Variants in OSBPL9 observed in about 807,000 individuals in gnomAD.
OSBPL9 encodes the protein oxysterol-binding protein-related protein 9.
A neutral mutation model predicts 106.6 loss-of-function variants in OSBPL9; 40 were observed. The observed-to-expected ratio is 0.38, with a 90% CI of 0.29 to 0.49. OSBPL9 has a LOEUF of 0.49. OSBPL9 is among the 20% of genes least tolerant of loss of function. The pLI, the probability that OSBPL9 is intolerant of heterozygous loss-of-function variation, is 0.97. For synonymous variants in OSBPL9, 269 were observed against 295.4 expected (o/e 0.91, Z 0.92); for missense variants, 609 against 887.2 (o/e 0.69, Z 3.98).
chr1:51,666,980 C>G (rs76743633), intron 2 of OSBPL9, among the ~76,000 whole-genome samples: 1,817 of 152,232 alleles, frequency 0.012, 39 homozygotes, highest in African/African-American at 0.042. Context: ...ACGATGAAAG[C>G]CTGAATTACA....
intron 4 of OSBPL9, among the ~76,000 whole-genome samples, chr1:51,721,761 G>A (rs1247337689): frequency 3.3e-5 from 5 of 152,130 alleles, no homozygotes; most frequent in Non-Finnish European, 5.9e-5. Flanking sequence ...AAAAATAGGT[G>A]TATTCGTTCT....
intron 3 of OSBPL9, among the ~76,000 whole-genome samples, chr1:51,681,417 G>A (rs534741575): frequency 1.2e-4 from 19 of 152,056 alleles, no homozygotes; most frequent in South Asian, 6.3e-4. Flanking sequence ...TATAGGCAAC[G>A]GACCAGAGTC....
At chr1:51,618,855 ATTATTGAC>A (rs1644248359) in intron 1 of OSBPL9, among the ~76,000 whole-genome samples, 1 of 152,240 alleles carries the variant, frequency 6.6e-6, no homozygotes, top group South Asian at 2.1e-4. Flanking sequence ...AGGATGCCAA[ATTATTGAC>A]TTTTTCTACT....
intron 2 of OSBPL9, among the ~76,000 whole-genome samples, chr1:51,657,041 T>G (rs1646862978): frequency 6.6e-6 from 1 of 152,236 alleles, no homozygotes; most frequent in South Asian, 2.1e-4. Context: ...TACATGTTAA[T>G]TTTTCTGTTG....
intron 2 of OSBPL9, among the ~76,000 whole-genome samples, chr1:51,601,112 A>G (rs1353698742): frequency 6.6e-6 from 1 of 152,204 alleles, no homozygotes; most frequent in Non-Finnish European, 1.5e-5. Flanking sequence ...TGTGTTCAAA[A>G]CCATCAATTC....
chr1:51,571,784 C>T, the OSBPL9 span, among the ~76,000 whole-genome samples: 3 of 152,118 alleles, frequency 2.0e-5, no homozygotes, highest in East Asian at 1.9e-4. Flanking sequence ...CAAAGAGCAC[C>T]GAACCTGCAG....
At chr1:51,740,293 C>T in intron 4 of OSBPL9, 1 of 1,373,074 alleles carries the variant, frequency 7.3e-7, no homozygotes, top group Non-Finnish European at 9.5e-7. Context: ...TCTCAAATTG[C>T]TAATTGTGAA....
At chr1:51,588,053 T>C (rs1158524914) in intron 1 of OSBPL9, among the ~76,000 whole-genome samples, 2 of 152,232 alleles carry the variant, frequency 1.3e-5, no homozygotes, top group Non-Finnish European at 1.5e-5. Flanking sequence ...ATCTTCCTTA[T>C]AGAACTGGTG....
chr1:51,776,975 T>C, intron 15 of OSBPL9, 57 bp downstream of exon 15: 1 of 1,342,564 alleles, frequency 7.4e-7, no homozygotes, highest in Non-Finnish European at 1.1e-6. Flanking sequence ...AGCAGCTTTC[T>C]GCCTTTTATT....
At chr1:51,769,434 C>T (rs543202185) in intron 12 of OSBPL9, among the ~76,000 whole-genome samples, 164 of 152,290 alleles carry the variant, frequency 1.1e-3, no homozygotes, top group African/African-American at 3.6e-3. Context: ...CCACTACTCA[C>T]CAGCTGTATG....
chr1:51,566,066 A>G, the OSBPL9 span: 1 of 152,340 alleles, frequency 6.6e-6, no homozygotes, highest in Non-Finnish European at 1.5e-5. Flanking sequence ...TAACGCATGT[A>G]TGCTTGGGCA....
intron 21 of OSBPL9, 186 bp downstream of exon 21, chr1:51,786,072 A>C (rs1488563259): frequency 1.5e-5 from 9 of 583,538 alleles, no homozygotes; most frequent in Non-Finnish European, 2.7e-5. Context: ...TCCTTCCCCC[A>C]CCTTCTCCCA....
intron 17 of OSBPL9, among the ~76,000 whole-genome samples, chr1:51,782,974 A>G (rs1676745494): frequency 6.6e-6 from 1 of 152,208 alleles, no homozygotes. Context: ...CGTAGTTTCT[A>G]CACAGTATAT....
At chr1:51,749,536 C>T (rs1344864116) in intron 7 of OSBPL9, 1 of 415,406 alleles carries the variant, frequency 2.4e-6, no homozygotes, top group Admixed American at 2.4e-5. Flanking sequence ...AGGCTGGTCT[C>T]CTAGCCTCAA....
chr1:51,549,897 T>C, the OSBPL9 span, among the ~76,000 whole-genome samples: 1 of 152,240 alleles, frequency 6.6e-6, no homozygotes, highest in Non-Finnish European at 1.5e-5. Context: ...GTCGGTTGCC[T>C]ACTTTATGTA....
intron 6 of OSBPL9, 78 bp from the exon 7 acceptor site, chr1:51,748,291 A>G: frequency 6.8e-7 from 1 of 1,465,634 alleles, no homozygotes; most frequent in East Asian, 2.7e-5. Flanking sequence ...AAAATTCTTT[A>G]AATGACTAGC....
At chr1:51,762,942 CA>C in intron 11 of OSBPL9, among the ~76,000 whole-genome samples, 1 of 152,076 alleles carries the variant, frequency 6.6e-6, no homozygotes, top group Non-Finnish European at 1.5e-5. Context: ...ACCTTTTTGC[CA>C]GTTTTATAGT....
chr1:51,710,305 C>G (rs762016611), intron 3 of OSBPL9, among the ~76,000 whole-genome samples: 1 of 152,128 alleles, frequency 6.6e-6, no homozygotes, highest in Admixed American at 6.5e-5. Context: ...ACTAGCTCTT[C>G]TTTTGCACAG....
the OSBPL9 span, among the ~76,000 whole-genome samples, chr1:51,546,675 C>T: frequency 0.083 from 12,357 of 149,284 alleles, 589 homozygotes; most frequent in African/African-American, 0.11. Flanking sequence ...CCAGCCTGGG[C>T]GACAGAGCCA....
Sources: gnomAD v4.1 joint callset for allele counts (sites outside exome capture counted in the v4.1 genomes callset) on GRCh38, gnomAD v4.1.1 for gene constraint, MANE v1.5 for transcripts, NCBI Gene and HGNC (gene_info 2026-07-23, HGNC 2026-07-21) for gene names.